Variants in SHANK2 observed in about 807,000 individuals in gnomAD.
The protein encoded by SHANK2 is SH3 and multiple ankyrin repeat domains protein 2.
SHANK2 carries 43 observed loss-of-function variants against 133.7 expected under a neutral mutation model. The observed-to-expected ratio is 0.32, with a 90% CI of 0.25 to 0.41. The LOEUF (loss-of-function observed/expected upper bound fraction) is 0.41, where lower values mean the gene tolerates loss of function less well. SHANK2 is among the 10% of genes least tolerant of loss of function. The pLI is 1.00. For synonymous variants in SHANK2, 1,017 were observed against 952.8 expected (o/e 1.07, Z -1.24); for missense variants, 1,994 against 2,235.8 (o/e 0.89, Z 2.18).
intron 17 of SHANK2, among the ~76,000 whole-genome samples, chr11:70,644,891 T>A (rs2061239352): frequency 6.6e-6 from 1 of 152,192 alleles, no homozygotes; most frequent in African/African-American, 2.4e-5. Context: ...GACCCCAGCC[T>A]GGCAGGGACT....
chr11:70,807,158 G>A lies in SHANK2; in HGVS notation c.1507C>T (p.Leu503Phe). 1 of 717,594 alleles carries A rather than the reference G, an allele frequency of 1.4e-6. No homozygotes were observed. The highest frequency in any genetic ancestry group is 1.5e-5 in the South Asian group (1 of 67,540). The allele number at this position is 717,594 out of a possible 1,614,324, so 44.5% of individuals were successfully genotyped here. Reference sequence around the variant, plus strand: ...GAGAGTGAGTCCTTGTTGGCACCAAGAGCAAAAGGCGACCTGGACCAGGTG... The same window carrying A: ...GAGAGTGAGTCCTTGTTGGCACCAAAAGCAAAAGGCGACCTGGACCAGGTG... ...PLWHVGSPFA[L>F]GANKDSLSAF... Residue 503 changes from leucine (L) to phenylalanine (F), a missense_variant, in exon 13 of 26, where the codon CTT (leucine) becomes TTT (phenylalanine). Transcript: ENST00000601538. This position sits in a 1 kb window ranked among gnomAD's most constrained non-coding sequence, Gnocchi z 4.8.
At chr11:71,138,727 G>A (rs1952494778) in intron 3 of SHANK2, among the ~76,000 whole-genome samples, 1 of 151,112 alleles carries the variant, frequency 6.6e-6, no homozygotes, top group Admixed American at 6.6e-5. Flanking sequence ...TTGAGCCAAG[G>A]GTGCAGTGAG....
chr11:70,713,977 G>A (rs191638580), intron 14 of SHANK2, among the ~76,000 whole-genome samples: 16 of 152,310 alleles, frequency 1.1e-4, no homozygotes, highest in African/African-American at 3.6e-4. Context: ...CCAACAAACT[G>A]CTTTGGCTCA....
chr11:70,542,840 T>C (rs2059639718), intron 17 of SHANK2, among the ~76,000 whole-genome samples: 1 of 152,090 alleles, frequency 6.6e-6, no homozygotes, highest in African/African-American at 2.4e-5. Context: ...ATAGCCTCAG[T>C]TTCCCCACTG....
intron 15 of SHANK2, among the ~76,000 whole-genome samples, chr11:70,684,391 T>TAC (rs1945099745): frequency 6.6e-6 from 1 of 151,976 alleles, no homozygotes; most frequent in African/African-American, 2.4e-5. Context: ...ACCACATCTC[T>TAC]ACACACACAC....
chr11:70,643,116 C>T (rs142966895), intron 17 of SHANK2, among the ~76,000 whole-genome samples: 105 of 152,330 alleles, frequency 6.9e-4, no homozygotes, highest in Non-Finnish European at 1.3e-3. Context: ...TCACCCTCCA[C>T]CCATCTCTTC....
At chr11:71,057,377 A>G (rs889966406) in intron 9 of SHANK2, among the ~76,000 whole-genome samples, 1 of 152,066 alleles carries the variant, frequency 6.6e-6, no homozygotes, top group Non-Finnish European at 1.5e-5. Context: ...AACCCCCAAT[A>G]ATATTGTTTA....
intron 3 of SHANK2, among the ~76,000 whole-genome samples, chr11:71,136,535 T>C (rs1952442458): frequency 6.6e-6 from 1 of 152,232 alleles, no homozygotes; most frequent in African/African-American, 2.4e-5. Flanking sequence ...AAGTACATCA[T>C]TCAGGTGACG....
At chr11:71,094,206 T>C (rs1555094816) in intron 7 of SHANK2, among the ~76,000 whole-genome samples, 1 of 152,138 alleles carries the variant, frequency 6.6e-6, no homozygotes, top group Non-Finnish European at 1.5e-5. Context: ...GCTGCTCTCA[T>C]GATCATGAGT....
At position 70,486,324 on chromosome 11, in the gene SHANK2, C is replaced by G. The variant is rs782736138; in HGVS notation, c.3969G>C (p.Lys1323Asn). The G allele has an allele frequency of 2.5e-6, 4 of 1,613,988 alleles. No homozygotes were observed. Among genetic ancestry groups the G allele is most frequent in the Non-Finnish European group, 3.4e-6 (4 of 1,180,026 alleles). ...CCTCTTCCTGCAGGGCGTTGTCCAG[C>G]TTAGTGGCGTCCACGGTGTGCACCA... ...LLMVHTVDAT[K>N]LDNALQEEDE... The change falls in exon 25 of 26, where the codon AAG becomes AAC. Residue 1323 changes from lysine to asparagine, a missense_variant. By Grantham distance (94) the Lys-to-Asn change is moderately conservative. Transcript: ENST00000601538. The surrounding 1 kb of genome is among the most constrained non-coding windows in gnomAD (Gnocchi z 8.0).
chr11:70,734,633 A>T (rs1474361595), intron 14 of SHANK2, among the ~76,000 whole-genome samples: 2 of 151,946 alleles, frequency 1.3e-5, no homozygotes, highest in Non-Finnish European at 2.9e-5. Flanking sequence ...ACCAATACCA[A>T]CTCTCCTCCC....
chr11:70,654,772 G>GTTTTT (rs576038066), intron 17 of SHANK2, among the ~76,000 whole-genome samples: 1 of 119,668 alleles, frequency 8.4e-6, no homozygotes, highest in Admixed American at 9.0e-5. Flanking sequence ...TGTTTTTTTT[G>GTTTTT]TTTTTTTTTT....
At chr11:70,732,379 C>A (rs868990666) in intron 14 of SHANK2, among the ~76,000 whole-genome samples, 1 of 152,226 alleles carries the variant, frequency 6.6e-6, no homozygotes, top group Non-Finnish European at 1.5e-5. Context: ...GGGCCCTGTG[C>A]CTGGCTCTGG....
intron 17 of SHANK2, among the ~76,000 whole-genome samples, chr11:70,522,957 C>T (rs1554971351): frequency 1.3e-5 from 2 of 152,318 alleles, no homozygotes; most frequent in African/African-American, 4.8e-5. Flanking sequence ...GGCCTCCCTC[C>T]AGACCCGCAG....
At chr11:71,074,594 C>T (rs1456599518) in intron 9 of SHANK2, among the ~76,000 whole-genome samples, 1 of 152,106 alleles carries the variant, frequency 6.6e-6, no homozygotes, top group Non-Finnish European at 1.5e-5. Context: ...AGTAGCTGGG[C>T]AGGCTGATAA....
intron 24 of SHANK2, 44 bp downstream of exon 24, chr11:70,489,284 G>C (rs562226663): frequency 2.7e-5 from 42 of 1,584,624 alleles, no homozygotes; most frequent in Non-Finnish European, 3.6e-5. Flanking sequence ...AAGTAAACTG[G>C]GTTACATTCA....
intron 6 of SHANK2, among the ~76,000 whole-genome samples, chr11:71,104,435 C>T (rs1441952879): frequency 6.6e-6 from 1 of 152,190 alleles, no homozygotes; most frequent in Admixed American, 6.5e-5. Flanking sequence ...GTAGTGTCTG[C>T]ATTTCAGTCA....
At position 71,122,465 on chromosome 11, in the gene SHANK2, G is replaced by A. The variant is rs1952098408; in HGVS notation, c.208-3433C>T. On this transcript the variant is annotated intron_variant, in intron 3 of 25. Coordinates refer to ENST00000601538, the MANE Select transcript of SHANK2 (RefSeq NM_012309.5). The stretch of plus-strand genomic sequence containing the variant: ...GAACAATGAGAACACTTGGACACAG[G>A]GCAGGGGAACATCACACATGGGGGC... Among the ~76,000 whole-genome samples the A allele has an allele frequency of 2.0e-5, 3 of 152,246 alleles. No individual in the cohort carries two copies. The South Asian group carries it at 6.2e-4, about 32-fold the overall frequency.
chr11:70,764,383 ACATC>A (rs1395619154), intron 14 of SHANK2, among the ~76,000 whole-genome samples: 11 of 111,064 alleles, frequency 9.9e-5, no homozygotes, highest in East Asian at 5.6e-4. Flanking sequence ...ACCTACCCAC[ACATC>A]CATCCATCCA....
Sources: allele counts gnomAD v4.1 joint callset (sites outside exome capture counted in the v4.1 genomes callset), GRCh38; gene constraint gnomAD v4.1.1; non-coding constraint Gnocchi (gnomAD v3.1); transcripts MANE v1.5; gene names NCBI Gene and HGNC (gene_info 2026-07-23, HGNC 2026-07-21).